Variants in NAPEPLD observed in about 807,000 individuals in gnomAD.
NAPEPLD encodes N-acyl-phosphatidylethanolamine-hydrolyzing phospholipase D.
A neutral mutation model predicts 38.1 loss-of-function variants in NAPEPLD; 23 were observed. That is an observed-to-expected ratio of 0.60 (90% CI 0.43 to 0.86). The LOEUF is 0.86. Among genes scored for constraint, NAPEPLD ranks in the 40% least tolerant of loss-of-function variants. The pLI, the probability that NAPEPLD is intolerant of heterozygous loss-of-function variation, is 0.00. For synonymous variants in NAPEPLD, 147 were observed against 162.0 expected, an observed-to-expected ratio of 0.91 and a Z score of 0.71; for missense variants, 411 against 476.8, an observed-to-expected ratio of 0.86 and a Z score of 1.28.
chr7:103,140,803 G>A (rs1332361904), intron 1 of NAPEPLD, among the ~76,000 whole-genome samples: 1 of 152,042 alleles, frequency 6.6e-6, no homozygotes, highest in African/African-American at 2.4e-5. Context: ...TAATCTACCT[G>A]ACTTCCCTTT....
At chr7:103,129,228 GCA>G (rs1491556485) in intron 1 of NAPEPLD, 1 of 832,088 alleles carries the variant, frequency 1.2e-6, no homozygotes, top group Non-Finnish European at 1.5e-6. Context: ...TCACGCCATT[GCA>G]CAAACAAACA....
rs2129530259 is a variant in NAPEPLD at position 103,128,476 on chromosome 7, G to A, written c.294+7C>T. ...AATATAAAGCACTCAAAAAAGCCAA[G>A]CGCTACCTCTTTAGAACTTGGAACA... On this transcript the variant is annotated splice_region_variant and intron_variant, in intron 2 of 4. Transcript: ENST00000465647. The A allele has an allele frequency of 1.2e-6, 2 of 1,613,474 alleles. No individual in the cohort carries two copies. Among genetic ancestry groups the A allele is most frequent in the South Asian group, 2.2e-5 (2 of 90,872 alleles).
At chr7:103,106,827 C>T (rs891601344) in intron 4 of NAPEPLD, among the ~76,000 whole-genome samples, 3 of 152,116 alleles carry the variant, frequency 2.0e-5, no homozygotes, top group African/African-American at 7.2e-5. Context: ...GGCGCAGTTT[C>T]AGCAGACTTA....
intron 3 of NAPEPLD, 115 bp downstream of exon 3, chr7:103,119,462 C>T: frequency 8.7e-7 from 1 of 1,153,012 alleles, no homozygotes; most frequent in South Asian, 1.7e-5. Context: ...TCATGTATAA[C>T]AAAGTCCACC....
upstream of NAPEPLD, chr7:103,149,373 G>A (rs1440011088): frequency 8.6e-7 from 1 of 1,169,116 alleles, no homozygotes; most frequent in African/African-American, 1.7e-5. Context: ...TAGCGGGAGG[G>A]GCGACCGCGG....
intron 1 of NAPEPLD, among the ~76,000 whole-genome samples, chr7:103,137,548 T>C (rs1337036461): frequency 2.0e-5 from 3 of 152,168 alleles, no homozygotes; most frequent in Admixed American, 6.5e-5. Context: ...TTTATTGAAA[T>C]AACATAGTTA....
At chr7:103,144,305 G>T (rs187816218) in intron 1 of NAPEPLD, among the ~76,000 whole-genome samples, 6 of 152,100 alleles carry the variant, frequency 3.9e-5, no homozygotes, top group Non-Finnish European at 1.5e-5. Context: ...TGTTTTTTTG[G>T]CTTTCAACAA....
At chr7:103,130,048 T>C (rs1450762725) in intron 1 of NAPEPLD, among the ~76,000 whole-genome samples, 1 of 152,220 alleles carries the variant, frequency 6.6e-6, no homozygotes, top group East Asian at 1.9e-4. Context: ...TTCTTTCTTA[T>C]TCTGTTAAAC....
intron 1 of NAPEPLD, chr7:103,147,849 A>C (rs1812891684): frequency 4.9e-6 from 2 of 406,582 alleles, no homozygotes; most frequent in South Asian, 1.0e-4. Context: ...AAGCCTGCAG[A>C]ATGTTAACAA....
intron 4 of NAPEPLD, among the ~76,000 whole-genome samples, chr7:103,108,283 C>A (rs1462344333): frequency 6.6e-6 from 1 of 152,126 alleles, no homozygotes; most frequent in African/African-American, 2.4e-5. Flanking sequence ...GTTGGGATCA[C>A]AGGCGTGCGC....
At chr7:103,141,887 C>T in intron 1 of NAPEPLD, 1 of 1,026,834 alleles carries the variant, frequency 9.7e-7, no homozygotes, top group Non-Finnish European at 1.6e-6. Context: ...ATTCTTCTTG[C>T]CACAGCAGAG....
At chr7:103,131,136 C>T (rs184955817) in intron 1 of NAPEPLD, among the ~76,000 whole-genome samples, 23 of 152,116 alleles carry the variant, frequency 1.5e-4, no homozygotes, top group Non-Finnish European at 1.9e-4. Flanking sequence ...GATAAAACAG[C>T]TTATGAGATA....
At chr7:103,104,570 C>T (rs950395372) in intron 4 of NAPEPLD, among the ~76,000 whole-genome samples, 5 of 152,176 alleles carry the variant, frequency 3.3e-5, no homozygotes, top group Non-Finnish European at 5.9e-5. Flanking sequence ...TGCTCAGTTC[C>T]AGGTTTTATG....
chr7:103,136,699 A>T (rs1810155876), intron 1 of NAPEPLD, among the ~76,000 whole-genome samples: 1 of 152,074 alleles, frequency 6.6e-6, no homozygotes. Flanking sequence ...CTAGAATTTC[A>T]TATGGCTTTA....
At chr7:103,115,422 A>G (rs1385768591) in intron 3 of NAPEPLD, 4 of 356,338 alleles carry the variant, frequency 1.1e-5, no homozygotes, top group African/African-American at 2.1e-5. Context: ...AGGCAAAACC[A>G]TCTCCCTTTG....
intron 1 of NAPEPLD, among the ~76,000 whole-genome samples, chr7:103,140,076 A>G (rs1413161227): frequency 6.6e-6 from 1 of 152,244 alleles, no homozygotes; most frequent in Non-Finnish European, 1.5e-5. Flanking sequence ...AATTGAAAAC[A>G]TCTTAAAATA....
At chr7:103,122,500 G>C (rs892954872) in intron 2 of NAPEPLD, among the ~76,000 whole-genome samples, 1 of 152,162 alleles carries the variant, frequency 6.6e-6, no homozygotes, top group African/African-American at 2.4e-5. Flanking sequence ...GAGTGAGTCT[G>C]AATGGGAAGA....
chr7:103,116,026 T>C (rs939109893), intron 3 of NAPEPLD, among the ~76,000 whole-genome samples: 3 of 151,826 alleles, frequency 2.0e-5, no homozygotes, highest in African/African-American at 7.3e-5. Flanking sequence ...ATCACTTCTG[T>C]CACCATCTGC....
intron 2 of NAPEPLD, among the ~76,000 whole-genome samples, chr7:103,124,329 A>C (rs994261259): frequency 2.0e-5 from 3 of 152,044 alleles, no homozygotes; most frequent in Non-Finnish European, 4.4e-5. Flanking sequence ...GTGGTAGTGC[A>C]TGCCTGTAAT....
Sources: gnomAD v4.1 joint callset for allele counts (sites outside exome capture counted in the v4.1 genomes callset) on GRCh38, gnomAD v4.1.1 for gene constraint, MANE v1.5 for transcripts, NCBI Gene and HGNC (gene_info 2026-07-23, HGNC 2026-07-21) for gene names.